The following UGGT1 variants were observed in gnomAD, a reference collection of about 807,000 sequenced individuals.
The protein encoded by UGGT1 is UDP-glucose:glycoprotein glucosyltransferase 1.
Under a neutral mutation model 203.9 loss-of-function variants are expected in UGGT1, and 107 were observed. The observed-to-expected ratio is 0.52, with a 90% CI of 0.45 to 0.62. The LOEUF is 0.62. Among genes scored for constraint, UGGT1 ranks in the 20% least tolerant of loss-of-function variants. The pLI, the probability that UGGT1 is intolerant of heterozygous loss-of-function variation, is 0.00. For synonymous variants in UGGT1, 628 were observed against 653.5 expected (o/e 0.96, Z 0.59); for missense variants, 1,673 against 1,867.2 (o/e 0.90, Z 1.92).
intron 1 of UGGT1, among the ~76,000 whole-genome samples, chr2:128,094,685 C>T (rs1329892698): frequency 4.0e-5 from 6 of 148,430 alleles, no homozygotes; most frequent in Non-Finnish European, 7.4e-5. Flanking sequence ...TCTGAGGCTG[C>T]AGTCTGTGGG....
chr2:128,138,830 A>T lies in UGGT1; in HGVS notation c.1697A>T (p.His566Leu), dbSNP rs780808948. The T allele has an allele frequency of 6.2e-7, 1 of 1,614,146 alleles. No individual in the cohort carries two copies. ...GTTGCCCAAGAAGTGGATGATTATC[A>T]TGCCTTCCAGACTCTGACACATGTA... ...NYVAQEVDDYHAFQTLTHIYN... is the reference protein window; with the variant it reads ...NYVAQEVDDYLAFQTLTHIYN... Residue 566 changes from histidine (H) to leucine (L), a missense_variant, in exon 16 of 41, where the codon CAT becomes CTT. By Grantham distance (99) the His-to-Leu change is moderately conservative. Coordinates refer to ENST00000259253, the MANE Select transcript of UGGT1 (RefSeq NM_020120.4).
chr2:128,116,179 A>G lies in UGGT1; in HGVS notation c.794-86A>G. On this transcript the variant is annotated intron_variant, in intron 7 of 40. Transcript: ENST00000259253. ...GTTTCTGATTTTTTTCACATTATTC[A>G]ATTTTATGAAGTTTATGAGACTAGT... The G allele has an allele frequency of 7.2e-6, 6 of 830,254 alleles. No homozygotes were observed. In the South Asian group the frequency reaches 1.0e-4, roughly 14 times the overall value. The allele number at this position is 830,254 out of a possible 1,614,324, so 51.4% of individuals were successfully genotyped here. A position where few individuals can be genotyped will look rare whatever the true frequency, so the allele number is the denominator to read the frequency against.
chr2:128,130,260 C>CAA (rs59253377), intron 13 of UGGT1, among the ~76,000 whole-genome samples: 17,651 of 89,370 alleles, frequency 0.2, 1,325 homozygotes, highest in Non-Finnish European at 0.24. Context: ...GACTCCGTCA[C>CAA]AAAAAAAAAA....
chr2:128,124,545 T>G (rs945753073), intron 11 of UGGT1, among the ~76,000 whole-genome samples: 7 of 152,128 alleles, frequency 4.6e-5, no homozygotes, highest in Non-Finnish European at 1.5e-5. Flanking sequence ...GAAATTTTCT[T>G]AAATTCTTTG....
intron 11 of UGGT1, 91 bp downstream of exon 11, chr2:128,123,337 A>C: frequency 9.4e-7 from 1 of 1,064,312 alleles, no homozygotes; most frequent in Admixed American, 2.6e-5. Context: ...TAACAGTGTC[A>C]CTCTTCTTTT....
Position 128,181,251 on chromosome 2 carries a change from T to C in UGGT1, c.4083+179T>C, listed in dbSNP as rs575624156. Among the ~76,000 whole-genome samples the C allele has an allele frequency of 2.6e-5, 4 of 152,386 alleles. No individual in the cohort carries two copies. The East Asian group carries it at 7.7e-4, about 29-fold the overall frequency. On this transcript the variant is annotated intron_variant, in intron 36 of 40. Transcript: ENST00000259253. The stretch of plus-strand genomic sequence containing the variant: ...AAATTTGCATTTAGCTTATCTCCTT[T>C]ACATCTTTTTCTCTGTCTTTTTAAC...
chr2:128,150,695 ATTC>A (rs34187294), intron 18 of UGGT1, among the ~76,000 whole-genome samples: 80,941 of 133,660 alleles, frequency 0.61, 22,903 homozygotes, highest in East Asian at 0.67. Flanking sequence ...ACAAATGTTT[ATTC>A]TTATATGTAC....
At chr2:128,093,891 G>A (rs1013343902) in intron 1 of UGGT1, among the ~76,000 whole-genome samples, 1 of 152,220 alleles carries the variant, frequency 6.6e-6, no homozygotes, top group East Asian at 1.9e-4. Flanking sequence ...GGTAAACGAA[G>A]TAGACATGGT....
rs867739777 is a variant in UGGT1, at chr2:128,135,072, C to G, written c.1583+111C>G. On this transcript the variant is annotated intron_variant, in intron 15 of 40. Transcript: ENST00000259253. Reference sequence around the variant, plus strand: ...TTGTAGGATAATTAATAGTGCACATCACTAATGGCAATTTTATCTTCTGGT... The same window carrying G: ...TTGTAGGATAATTAATAGTGCACATGACTAATGGCAATTTTATCTTCTGGT... 25 of 861,330 alleles carry G rather than the reference C, an allele frequency of 2.9e-5. No individual in the cohort carries two copies. In the African/African-American group the frequency reaches 3.3e-4, roughly 12 times the overall value. 53.4% of individuals were successfully genotyped at this position (861,330 alleles called of 1,614,324 possible).
At chr2:128,102,125 A>T (rs146258585) in intron 2 of UGGT1, among the ~76,000 whole-genome samples, 5 of 152,080 alleles carry the variant, frequency 3.3e-5, no homozygotes, top group East Asian at 1.9e-4. Flanking sequence ...CCCAGACATC[A>T]TATAGTTTGT....
At chr2:128,154,051 ATG>A (rs1367055972) in intron 19 of UGGT1, among the ~76,000 whole-genome samples, 1 of 105,860 alleles carries the variant, frequency 9.4e-6, no homozygotes, top group Admixed American at 1.1e-4. Context: ...GGAAAAATAC[ATG>A]TATATATACA....
intron 40 of UGGT1, 142 bp downstream of exon 40, chr2:128,187,756 T>A (rs967141380): frequency 2.0e-4 from 197 of 976,586 alleles, no homozygotes; most frequent in Middle Eastern, 5.3e-4. Context: ...CAGTATATAT[T>A]TTTCATTTTC....
At chr2:128,163,640 G>A (rs992504100) in intron 25 of UGGT1, among the ~76,000 whole-genome samples, 4 of 151,956 alleles carry the variant, frequency 2.6e-5, no homozygotes, top group Non-Finnish European at 4.4e-5. Flanking sequence ...GCGTGAACCC[G>A]GGAGGCAGAG....
Position 128,173,698 on chromosome 2 carries a change from G to T in UGGT1, c.3295-83G>T. 6.8e-6 allele frequency: 10 copies of T among 1,468,514 alleles called. No individual in the cohort carries two copies. The Admixed American group carries it at 1.3e-4, about 18-fold the overall frequency. The allele number at this position is 1,468,514 out of a possible 1,614,324, so 91.0% of individuals were successfully genotyped here. On this transcript the variant is annotated intron_variant, in intron 29 of 40. Coordinates refer to ENST00000259253, the MANE Select transcript of UGGT1 (RefSeq NM_020120.4). ...TATATTATGTAAGTCCTTTTTGTCT[G>T]CTTCCTTTACTTTGCATAATGCATT...
At chr2:128,185,730 C>G (rs920661673) in intron 38 of UGGT1, among the ~76,000 whole-genome samples, 12 of 152,146 alleles carry the variant, frequency 7.9e-5, no homozygotes, top group Non-Finnish European at 1.6e-4. Flanking sequence ...CCCACTTCAG[C>G]AGCTATTTTT....
At chr2:128,138,203 T>C (rs1689226348) in intron 15 of UGGT1, among the ~76,000 whole-genome samples, 1 of 152,192 alleles carries the variant, frequency 6.6e-6, no homozygotes, top group Non-Finnish European at 1.5e-5. Flanking sequence ...TAAGCCACGT[T>C]TGAGAGCCTG....
intron 12 of UGGT1, among the ~76,000 whole-genome samples, chr2:128,128,622 A>C (rs568829219): frequency 6.6e-6 from 1 of 152,228 alleles, no homozygotes; most frequent in South Asian, 2.1e-4. Flanking sequence ...CTTCATCTCT[A>C]TCTCTTCTGT....
At chr2:128,152,677 A>G in intron 18 of UGGT1, 107 bp from the exon 19 acceptor site, 4 of 1,440,752 alleles carry the variant, frequency 2.8e-6, no homozygotes, top group Non-Finnish European at 3.7e-6. Flanking sequence ...TATTATTAGC[A>G]CAGAGGAAGC....
intron 4 of UGGT1, 82 bp downstream of exon 4, chr2:128,108,150 A>G (rs1687688077): frequency 3.3e-6 from 5 of 1,500,608 alleles, no homozygotes; most frequent in Non-Finnish European, 4.5e-6. Context: ...CTGGAATTGA[A>G]TTACAGAGCT....
Sources: gnomAD v4.1 joint callset for allele counts (sites outside exome capture counted in the v4.1 genomes callset) on GRCh38, gnomAD v4.1.1 for gene constraint, MANE v1.5 for transcripts, NCBI Gene and HGNC (gene_info 2026-07-23, HGNC 2026-07-21) for gene names.